PLEKHM3: variants seen among roughly 807,000 people sequenced by gnomAD.
The protein encoded by PLEKHM3 is pleckstrin homology domain containing M3.
A neutral mutation model predicts 81.8 loss-of-function variants in PLEKHM3; 45 were observed. The ratio of observed to expected loss-of-function variants is 0.55; its 90% CI spans 0.43 to 0.71. PLEKHM3 has a LOEUF of 0.71. PLEKHM3 is among the 30% of genes least tolerant of loss of function. The pLI is 0.00. For missense variants in PLEKHM3, 788 were observed against 924.3 expected, an observed-to-expected ratio of 0.85 and a Z score of 1.91; for synonymous variants, 352 against 356.4, an observed-to-expected ratio of 0.99 and a Z score of 0.14.
At chr2:207,975,899 ATT>A (rs3057251) in intron 3 of PLEKHM3, among the ~76,000 whole-genome samples, 1 of 140,074 alleles carries the variant, frequency 7.1e-6, no homozygotes. Context: ...ACCTGGCACA[ATT>A]TTTTTTTTTT....
At chr2:207,837,015 C>T (rs568256145) in intron 7 of PLEKHM3, among the ~76,000 whole-genome samples, 147 of 152,236 alleles carry the variant, frequency 9.7e-4, no homozygotes, top group Non-Finnish European at 1.5e-3. Context: ...ATGCAACGCC[C>T]CCCATACAGC....
intron 6 of PLEKHM3, among the ~76,000 whole-genome samples, chr2:207,889,857 G>A (rs1050382811): frequency 9.9e-5 from 15 of 152,094 alleles, no homozygotes; most frequent in Non-Finnish European, 1.8e-4. Flanking sequence ...AGGCTTGAGT[G>A]CAGTGGCTTG....
intron 4 of PLEKHM3, among the ~76,000 whole-genome samples, chr2:207,941,655 A>G (rs986445229): frequency 2.0e-5 from 3 of 152,250 alleles, no homozygotes; most frequent in African/African-American, 7.2e-5. Flanking sequence ...TCTGCATAGC[A>G]AAAGAAACAA....
At chr2:207,837,761 A>ATTTTTTTTTTTTT (rs1194861994) in intron 7 of PLEKHM3, among the ~76,000 whole-genome samples, 2 of 74,738 alleles carry the variant, frequency 2.7e-5, no homozygotes, top group Non-Finnish European at 2.4e-5. Flanking sequence ...CGGTTCTTCC[A>ATTTTTTTTTTTTT]TTTTTTTTTT....
intron 6 of PLEKHM3, among the ~76,000 whole-genome samples, chr2:207,884,987 G>C (rs975711142): frequency 6.6e-6 from 1 of 152,192 alleles, no homozygotes; most frequent in African/African-American, 2.4e-5. Flanking sequence ...GAGTTCGTTG[G>C]GTAGACGAAG....
chr2:207,890,291 C>T (rs1038498879), intron 6 of PLEKHM3, among the ~76,000 whole-genome samples: 1 of 152,070 alleles, frequency 6.6e-6, no homozygotes, highest in African/African-American at 2.4e-5. Context: ...GAGATGGTTT[C>T]CTTAAATACA....
intron 6 of PLEKHM3, among the ~76,000 whole-genome samples, chr2:207,869,528 G>C (rs2092521294): frequency 6.6e-6 from 1 of 152,168 alleles, no homozygotes; most frequent in Non-Finnish European, 1.5e-5. Flanking sequence ...TACTTGGGGA[G>C]TGTGTATATA....
chr2:207,976,777 T>C lies in PLEKHM3; in HGVS notation c.1420A>G (p.Lys474Glu), dbSNP rs779273690. 4 of 1,614,122 alleles carry C rather than the reference T, an allele frequency of 2.5e-6. No individual in the cohort carries two copies. The highest frequency in any genetic ancestry group is 3.3e-5 in the Admixed American group (2 of 60,004). Residue 474 changes from lysine to glutamate, a missense_variant, in exon 3 of 8, where the codon AAG becomes GAG. Lys to Glu is a moderately conservative substitution (Grantham distance 56). Coordinates refer to ENST00000427836, the MANE Select transcript of PLEKHM3 (RefSeq NM_001080475.3). This position sits in a 1 kb window ranked among gnomAD's most constrained non-coding sequence, Gnocchi z 4.1. The part of the protein sequence containing the change: ...NLQVTLRNKP[K>E]DQMGGHELRK... ...AGTTCATGCCCACCCATTTGATCCT[T>C]GGGTTTGTTCCTCAGTGTGACTTGC...
In PLEKHM3 at chr2:207,828,231, C is replaced by A; in HGVS notation, c.*88G>T. On this transcript the variant is annotated 3_prime_UTR_variant, in exon 8 of 8. Transcript: ENST00000427836. ...TTGAAGAGGATACATACTCTTCTTC[C>A]AAAGGGGTCTAACTGGCTAGTTAGG... 4 of 1,340,278 alleles carry A rather than the reference C, an allele frequency of 3.0e-6. No homozygotes were observed. The highest frequency in any genetic ancestry group is 1.4e-5 in the South Asian group (1 of 69,334). 83.0% of individuals were successfully genotyped at this position (1,340,278 alleles called of 1,614,324 possible). A position where few individuals can be genotyped will look rare whatever the true frequency, so the allele number is the denominator to read the frequency against.
At chr2:207,830,607 C>CAA (rs10685657) in intron 7 of PLEKHM3, among the ~76,000 whole-genome samples, 81,093 of 126,816 alleles carry the variant, frequency 0.64, 25,303 homozygotes, top group Middle Eastern at 0.69. Context: ...AACTCTGTCT[C>CAA]AAAAAAAAAA....
intron 6 of PLEKHM3, among the ~76,000 whole-genome samples, chr2:207,886,343 C>G (rs1045307342): frequency 2.0e-5 from 3 of 152,094 alleles, no homozygotes; most frequent in African/African-American, 4.8e-5. Flanking sequence ...TTAAAAGTAA[C>G]TGAAAGCCAA....
At chr2:207,828,624 G>T in intron 7 of PLEKHM3, 128 bp from the exon 8 acceptor site, 1 of 818,722 alleles carries the variant, frequency 1.2e-6, no homozygotes, top group South Asian at 1.8e-5. Context: ...CAATGGGAAG[G>T]GAGATGACTC....
At chr2:207,859,985 C>A (rs887448852) in intron 7 of PLEKHM3, among the ~76,000 whole-genome samples, 1 of 152,164 alleles carries the variant, frequency 6.6e-6, no homozygotes, top group Non-Finnish European at 1.5e-5. Context: ...CCCAGTGGTT[C>A]GTCCAGTTTG....
chr2:207,925,977 G>A (rs1168546453), intron 5 of PLEKHM3, among the ~76,000 whole-genome samples: 2 of 151,756 alleles, frequency 1.3e-5, no homozygotes, highest in Non-Finnish European at 1.5e-5. Context: ...CTGAGACATC[G>A]ACAAACTCTG....
intron 4 of PLEKHM3, among the ~76,000 whole-genome samples, chr2:207,939,714 A>C (rs1689872557): frequency 6.6e-6 from 1 of 152,330 alleles, no homozygotes; most frequent in South Asian, 2.1e-4. Context: ...AAACTTACTT[A>C]AGGTAAGATT....
chr2:207,894,169 A>G (rs1286226667), intron 6 of PLEKHM3, among the ~76,000 whole-genome samples: 6 of 152,152 alleles, frequency 3.9e-5, no homozygotes, highest in Non-Finnish European at 4.4e-5. Context: ...ATAAATCCAT[A>G]TCTAATTAGG....
chr2:207,926,683 A>C (rs557688149), intron 5 of PLEKHM3, among the ~76,000 whole-genome samples: 1 of 152,346 alleles, frequency 6.6e-6, no homozygotes, highest in South Asian at 2.1e-4. Context: ...CAGCACTGTA[A>C]ACATTTTAAG....
At chr2:207,956,266 A>C (rs1334299667) in intron 3 of PLEKHM3, among the ~76,000 whole-genome samples, 1 of 152,054 alleles carries the variant, frequency 6.6e-6, no homozygotes, top group Non-Finnish European at 1.5e-5. Context: ...GGAGTTTGAG[A>C]CCAGCCTGGC....
chr2:207,880,915 A>T (rs2092588278), intron 6 of PLEKHM3, among the ~76,000 whole-genome samples: 1 of 151,124 alleles, frequency 6.6e-6, no homozygotes, highest in African/African-American at 2.4e-5. Context: ...TTTTAATGAC[A>T]ATGGTTATGC....
Sources: allele counts gnomAD v4.1 joint callset (sites outside exome capture counted in the v4.1 genomes callset), GRCh38; gene constraint gnomAD v4.1.1; non-coding constraint Gnocchi (gnomAD v3.1); transcripts MANE v1.5; gene names NCBI Gene and HGNC (gene_info 2026-07-23, HGNC 2026-07-21).